Variants in SLC24A2 observed in about 807,000 individuals in gnomAD.
The protein encoded by SLC24A2 is sodium/potassium/calcium exchanger 2.
Under a neutral mutation model 62.0 loss-of-function variants are expected in SLC24A2, and 36 were observed. The observed-to-expected ratio is 0.58, with a 90% confidence interval of 0.44 to 0.77. The LOEUF (loss-of-function observed/expected upper bound fraction) is 0.77, where lower values mean the gene tolerates loss of function less well. Among genes scored for constraint, SLC24A2 ranks in the 30% least tolerant of loss-of-function variants. SLC24A2 has a pLI of 0.00. For synonymous variants in SLC24A2, 358 were observed against 294.0 expected (o/e 1.22, Z -2.23); for missense variants, 846 against 817.9 (o/e 1.03, Z -0.42).
At chr9:20,168,382 A>G in the SLC24A2 span, among the ~76,000 whole-genome samples, 1 of 152,006 alleles carries the variant, frequency 6.6e-6, no homozygotes, top group African/African-American at 2.4e-5. Flanking sequence ...GATAAATACA[A>G]CTTCATCAAA....
At chr9:19,880,192 T>C in the SLC24A2 span, among the ~76,000 whole-genome samples, 1 of 152,182 alleles carries the variant, frequency 6.6e-6, no homozygotes, top group Admixed American at 6.6e-5. Flanking sequence ...GCATGAGAGG[T>C]AGCATGATAT....
the SLC24A2 span, among the ~76,000 whole-genome samples, chr9:20,038,209 C>G: frequency 6.6e-5 from 10 of 152,218 alleles, no homozygotes; most frequent in Admixed American, 1.3e-4. Flanking sequence ...CTGCCATTTC[C>G]CAGCTGTGTA....
At chr9:20,271,652 C>T in the SLC24A2 span, among the ~76,000 whole-genome samples, 6 of 152,262 alleles carry the variant, frequency 3.9e-5, no homozygotes, top group African/African-American at 1.4e-4. Context: ...AAAGCTCAAG[C>T]AAGAGACTGA....
At chr9:19,955,377 G>GTTTTTTTTTTTT in the SLC24A2 span, among the ~76,000 whole-genome samples, 1 of 143,374 alleles carries the variant, frequency 7.0e-6, no homozygotes, top group Non-Finnish European at 1.5e-5. Flanking sequence ...AAATTCTCAG[G>GTTTTTTTTTTTT]TTTTTTTTTT....
intron 2 of SLC24A2, among the ~76,000 whole-genome samples, chr9:19,778,849 A>C (rs145617682): frequency 0.011 from 1,719 of 152,346 alleles, 39 homozygotes; most frequent in African/African-American, 0.039. Context: ...AGATATTGCC[A>C]CAAAATTTAT....
At chr9:20,054,897 T>A in the SLC24A2 span, among the ~76,000 whole-genome samples, 1 of 152,224 alleles carries the variant, frequency 6.6e-6, no homozygotes, top group Non-Finnish European at 1.5e-5. Flanking sequence ...TGCATTAACT[T>A]AGTAATGATG....
the SLC24A2 span, among the ~76,000 whole-genome samples, chr9:19,913,115 T>G: frequency 6.6e-6 from 1 of 152,074 alleles, no homozygotes; most frequent in Non-Finnish European, 1.5e-5. Context: ...TCTCACATCA[T>G]TTTACATACT....
chr9:19,519,702 C>T (rs1833099356), intron 10 of SLC24A2, among the ~76,000 whole-genome samples: 1 of 152,112 alleles, frequency 6.6e-6, no homozygotes, highest in African/African-American at 2.4e-5. Flanking sequence ...GTAAGATGTA[C>T]AGACAGTTTT....
At chr9:19,673,897 T>A (rs978724642) in intron 2 of SLC24A2, among the ~76,000 whole-genome samples, 1 of 152,260 alleles carries the variant, frequency 6.6e-6, no homozygotes, top group African/African-American at 2.4e-5. Context: ...GGTACTATTC[T>A]ATTCATGTTA....
At chr9:19,713,654 A>C (rs1292572095) in intron 2 of SLC24A2, among the ~76,000 whole-genome samples, 1 of 152,140 alleles carries the variant, frequency 6.6e-6, no homozygotes, top group Non-Finnish European at 1.5e-5. Context: ...TCATAGTTAT[A>C]AATTGAAAAT....
intron 2 of SLC24A2, among the ~76,000 whole-genome samples, chr9:19,694,948 G>A (rs1220737834): frequency 2.0e-5 from 3 of 151,978 alleles, no homozygotes; most frequent in Admixed American, 1.3e-4. Context: ...TTTTCCTCCG[G>A]CAAAGATGGG....
intron 8 of SLC24A2, among the ~76,000 whole-genome samples, chr9:19,529,480 C>T (rs1032031894): frequency 5.9e-5 from 9 of 152,126 alleles, no homozygotes; most frequent in African/African-American, 2.2e-4. Flanking sequence ...TTACCCCATA[C>T]ATTTCTTTAA....
At chr9:19,733,799 T>C (rs1042442164) in intron 2 of SLC24A2, among the ~76,000 whole-genome samples, 48 of 152,264 alleles carry the variant, frequency 3.2e-4, no homozygotes, top group African/African-American at 1.2e-3. Flanking sequence ...TAACATATAT[T>C]TATTGAGTGC....
At chr9:19,938,219 G>C in the SLC24A2 span, among the ~76,000 whole-genome samples, 4 of 151,954 alleles carry the variant, frequency 2.6e-5, no homozygotes, top group Non-Finnish European at 5.9e-5. Context: ...TGTATATTTA[G>C]GTTATCTAGC....
chr9:20,306,796 A>C, the SLC24A2 span, among the ~76,000 whole-genome samples: 4 of 152,188 alleles, frequency 2.6e-5, no homozygotes, highest in Admixed American at 6.5e-5. Flanking sequence ...TCCTGGGTTC[A>C]AGCGATTCTC....
In SLC24A2 at chr9:19,536,513, C is replaced by T. The variant is rs867678382; in HGVS notation, c.1480-8375G>A. Among the ~76,000 whole-genome samples, 730 of 79,676 alleles carry T rather than the reference C, an allele frequency of 9.2e-3. 13 individuals are homozygous for T. Among genetic ancestry groups the T allele is most frequent in the African/African-American group, 0.037 (686 of 18,746 alleles). 52.3% of individuals were successfully genotyped at this position (79,676 alleles called of 152,430 possible). A position where few individuals can be genotyped will look rare whatever the true frequency, so the allele number is the denominator to read the frequency against. ...GATGGTTTCCAATTTCATCCATGTC[C>T]CTACAAAGGACATGAACTCATCATT... On this transcript the variant is annotated intron_variant, in intron 8 of 10. Transcript: ENST00000341998.
the SLC24A2 span, among the ~76,000 whole-genome samples, chr9:19,964,407 T>C: frequency 6.6e-6 from 1 of 152,010 alleles, no homozygotes; most frequent in Admixed American, 6.6e-5. Flanking sequence ...TGCAGTCAAG[T>C]GGTGGATATA....
At chr9:20,004,180 A>G in the SLC24A2 span, among the ~76,000 whole-genome samples, 1 of 152,192 alleles carries the variant, frequency 6.6e-6, no homozygotes, top group Non-Finnish European at 1.5e-5. Flanking sequence ...ATGATAAGGG[A>G]GCATGGGCTG....
chr9:20,124,105 A>G, the SLC24A2 span, among the ~76,000 whole-genome samples: 1 of 152,166 alleles, frequency 6.6e-6, no homozygotes, highest in African/African-American at 2.4e-5. Context: ...CCTTGATACA[A>G]TGGTGGACAC....
Sources: gnomAD v4.1 joint callset for allele counts (sites outside exome capture counted in the v4.1 genomes callset) on GRCh38, gnomAD v4.1.1 for gene constraint, MANE v1.5 for transcripts, NCBI Gene and HGNC (gene_info 2026-07-23, HGNC 2026-07-21) for gene names.